EXTL3: variants seen among roughly 807,000 people sequenced by gnomAD.
The protein encoded by EXTL3 is exostosin like glycosyltransferase 3, also known as exostosin-like 3.
In EXTL3, 27 loss-of-function variants were observed where a neutral mutation model predicts 69.3. That is an observed-to-expected ratio of 0.39 (90% CI 0.29 to 0.54). The LOEUF (loss-of-function observed/expected upper bound fraction) is 0.54, where lower values mean the gene tolerates loss of function less well. EXTL3 is among the 20% of genes least tolerant of loss of function. The probability of loss-of-function intolerance (pLI) is 0.69; values close to 1 mark genes in which losing one functional copy is unlikely to be tolerated. For synonymous variants in EXTL3, 511 were observed against 499.4 expected (o/e 1.02, Z -0.31); for missense variants, 1,003 against 1,231.8 (o/e 0.81, Z 2.78).
Position 28,717,998 on chromosome 8 carries a change from G to A in EXTL3, c.1939G>A (p.Gly647Ser). ...RPIGGGAGGS[G>S]KEFQAALGGN... The stretch of plus-strand genomic sequence containing the variant: ...TATTGGTGGTGGAGCTGGGGGTTCT[G>A]GCAAGGAATTTCAGGCAGCGCTTGG... The change falls in exon 3 of 7, where the codon GGC (glycine) becomes AGC (serine). Residue 647 changes from glycine to serine, a missense_variant. By Grantham distance (56) the Gly-to-Ser change is moderately conservative. Transcript: ENST00000220562. This position sits in a 1 kb window ranked among gnomAD's most constrained non-coding sequence, Gnocchi z 8.3. 1 of 1,614,104 alleles carries A rather than the reference G, an allele frequency of 6.2e-7. No individual in the cohort carries two copies.
chr8:28,649,517 T>A (rs1395122301), intron 1 of EXTL3, among the ~76,000 whole-genome samples: 2 of 152,214 alleles, frequency 1.3e-5, no homozygotes, highest in Admixed American at 1.3e-4. Flanking sequence ...TTGCACCTCC[T>A]CCTTGTTGAA....
chr8:28,738,452 T>C (rs765765149), intron 5 of EXTL3, among the ~76,000 whole-genome samples: 11 of 152,252 alleles, frequency 7.2e-5, no homozygotes, highest in Non-Finnish European at 1.3e-4. Context: ...AATACAGTTA[T>C]TGATTTTTAC....
chr8:28,733,569 T>C (rs997806009), intron 4 of EXTL3, among the ~76,000 whole-genome samples: 10 of 151,144 alleles, frequency 6.6e-5, no homozygotes, highest in Non-Finnish European at 1.5e-4. Context: ...CATTTTTTTT[T>C]TTTTTTTTGT....
At chr8:28,637,134 A>C (rs761599359) in intron 1 of EXTL3, among the ~76,000 whole-genome samples, 3 of 152,324 alleles carry the variant, frequency 2.0e-5, no homozygotes, top group Non-Finnish European at 2.9e-5. Flanking sequence ...ATTCCTTTAT[A>C]AAAGAAACCT....
At chr8:28,702,052 C>G (rs1342044453) in intron 1 of EXTL3, among the ~76,000 whole-genome samples, 1 of 152,216 alleles carries the variant, frequency 6.6e-6, no homozygotes, top group South Asian at 2.1e-4. Context: ...GCCCTCCACC[C>G]TCTGTGACCC....
chr8:28,622,196 C>T (rs1283673090), upstream of EXTL3, among the ~76,000 whole-genome samples: 2 of 152,264 alleles, frequency 1.3e-5, no homozygotes, highest in Admixed American at 6.5e-5. Context: ...GTTTCGAAAG[C>T]TTGCCCTAGT....
chr8:28,656,444 T>C (rs1807012849), intron 1 of EXTL3, among the ~76,000 whole-genome samples: 1 of 152,220 alleles, frequency 6.6e-6, no homozygotes, highest in Admixed American at 6.5e-5. Flanking sequence ...ATTATAGGCA[T>C]GAGCCACTGC....
At chr8:28,631,797 G>T (rs1224442594) in intron 1 of EXTL3, 1 of 152,234 alleles carries the variant, frequency 6.6e-6, no homozygotes, top group Non-Finnish European at 1.5e-5. Context: ...GGGATATTAA[G>T]AGTTATCTTG....
chr8:28,712,226 G>A lies in EXTL3; in HGVS notation c.-569-1231G>A, dbSNP rs570299020. ...AAAACAGGCATAAAGTTTTGAGAGC[G>A]AGAAGCTTGGCACAGTCGAGGAGGT... On this transcript the variant is annotated intron_variant, in intron 1 of 6. Transcript: ENST00000220562. Among the ~76,000 whole-genome samples the A allele has an allele frequency of 2.0e-5, 3 of 152,300 alleles. No individual in the cohort carries two copies. The South Asian group carries it at 6.2e-4, about 32-fold the overall frequency.
chr8:28,742,507 G>T (rs1455548390), intron 5 of EXTL3: 2 of 175,292 alleles, frequency 1.1e-5, no homozygotes, highest in Non-Finnish European at 2.5e-5. Context: ...GCTGGGACTA[G>T]CACATGGGGA....
intron 1 of EXTL3, among the ~76,000 whole-genome samples, chr8:28,688,186 C>T (rs1026148068): frequency 1.3e-5 from 2 of 152,018 alleles, no homozygotes. Context: ...CTCAGCCTCC[C>T]AAGTAGCTGG....
At chr8:28,683,828 G>A (rs537131305) in intron 1 of EXTL3, among the ~76,000 whole-genome samples, 3 of 151,512 alleles carry the variant, frequency 2.0e-5, no homozygotes, top group African/African-American at 7.3e-5. Context: ...AAAAATTATT[G>A]CTGTCTATAG....
intron 3 of EXTL3, among the ~76,000 whole-genome samples, chr8:28,729,732 G>C (rs886290808): frequency 1.3e-5 from 2 of 151,958 alleles, no homozygotes; most frequent in Non-Finnish European, 2.9e-5. Flanking sequence ...CGGGCGTGGT[G>C]GCTCATGCCT....
chr8:28,624,061 C>T (rs1219065177), intron 1 of EXTL3, among the ~76,000 whole-genome samples: 1 of 152,180 alleles, frequency 6.6e-6, no homozygotes, highest in Non-Finnish European at 1.5e-5. Context: ...AAAATTCTTT[C>T]CAATTGTTCT....
chr8:28,755,990 G>A (rs28719745), downstream of EXTL3, among the ~76,000 whole-genome samples: 3,688 of 152,224 alleles, frequency 0.024, 147 homozygotes, highest in African/African-American at 0.083. Flanking sequence ...GTGCACTGTT[G>A]AGGTACATTT....
chr8:28,663,955 C>T (rs1210931241), intron 1 of EXTL3, among the ~76,000 whole-genome samples: 1 of 152,118 alleles, frequency 6.6e-6, no homozygotes, highest in Non-Finnish European at 1.5e-5. Context: ...TGAATAGACT[C>T]CTGGGAAAAG....
intron 3 of EXTL3, 119 bp from the exon 4 acceptor site, chr8:28,731,104 G>C: frequency 8.0e-7 from 1 of 1,253,538 alleles, no homozygotes; most frequent in Non-Finnish European, 1.2e-6. Context: ...TACAAGCGCG[G>C]AGATCAGGCA....
At chr8:28,724,616 A>AAAG (rs111588352) in intron 3 of EXTL3, among the ~76,000 whole-genome samples, 47,144 of 148,388 alleles carry the variant, frequency 0.32, 7,838 homozygotes, top group African/African-American at 0.42. Flanking sequence ...AAAAAAAAAA[A>AAAG]AAGAAGAAGA....
chr8:28,718,287 T>C (rs1056762358), intron 3 of EXTL3, 80 bp downstream of exon 3: 3 of 1,381,558 alleles, frequency 2.2e-6, no homozygotes, highest in Non-Finnish European at 2.1e-6. Context: ...TCCTTCACTT[T>C]AGCAATCGTA....
Sources: allele counts gnomAD v4.1 joint callset (sites outside exome capture counted in the v4.1 genomes callset), GRCh38; gene constraint gnomAD v4.1.1; non-coding constraint Gnocchi (gnomAD v3.1); transcripts MANE v1.5; gene names NCBI Gene and HGNC (gene_info 2026-07-23, HGNC 2026-07-21).